The following ACSL1 variants were observed in gnomAD, a reference collection of about 807,000 sequenced individuals.
ACSL1 encodes the protein acyl-CoA synthetase long chain family member 1.
Under a neutral mutation model 98.4 loss-of-function variants are expected in ACSL1, and 41 were observed. That is an observed-to-expected ratio of 0.42 (90% CI 0.32 to 0.54). The LOEUF (loss-of-function observed/expected upper bound fraction) is 0.54. Among genes scored for constraint, ACSL1 ranks in the 20% least tolerant of loss-of-function variants. ACSL1 has a pLI of 0.13. For synonymous variants in ACSL1, 316 were observed against 322.7 expected (o/e 0.98, Z 0.22); for missense variants, 734 against 883.1 (o/e 0.83, Z 2.14).
At chr4:184,762,029 A>G (rs548718716) in intron 17 of ACSL1, among the ~76,000 whole-genome samples, 1 of 152,028 alleles carries the variant, frequency 6.6e-6, no homozygotes. Flanking sequence ...TGGGAGGCTG[A>G]GGCAGGAGAA....
chr4:184,785,241 C>A (rs918128593), intron 3 of ACSL1, among the ~76,000 whole-genome samples: 10 of 152,294 alleles, frequency 6.6e-5, no homozygotes, highest in African/African-American at 1.4e-4. Context: ...AGCCGTTAAG[C>A]TGCAGGCTCA....
Position 184,762,397 on chromosome 4 carries a change from G to T in ACSL1, c.1638+10C>A, listed in dbSNP as rs369924535. The stretch of plus-strand genomic sequence containing the variant: ...TGAACTGTTTGTGACCTGAGGAGGC[G>T]GCAACTTACTGGTAACCATTTTCCA... On this transcript the variant is annotated intron_variant, in intron 17 of 20. Transcript: ENST00000281455. The T allele has an allele frequency of 3.1e-6, 5 of 1,605,498 alleles. No individual in the cohort carries two copies. Among genetic ancestry groups the T allele is most frequent in the Non-Finnish European group, 4.3e-6 (5 of 1,172,300 alleles).
intron 1 of ACSL1, chr4:184,821,010 A>T (rs1212826247): frequency 2.2e-6 from 1 of 456,232 alleles, no homozygotes; most frequent in Non-Finnish European, 4.4e-6. Flanking sequence ...TGGGGAACTT[A>T]ATCTTTGCAC....
At chr4:184,809,532 C>T (rs1424782763) in intron 1 of ACSL1, among the ~76,000 whole-genome samples, 1 of 152,196 alleles carries the variant, frequency 6.6e-6, no homozygotes, top group African/African-American at 2.4e-5. Context: ...GTGGCTCACA[C>T]CTGTAATCCC....
intron 4 of ACSL1, among the ~76,000 whole-genome samples, chr4:184,780,930 G>A (rs1360697242): frequency 6.6e-6 from 1 of 152,056 alleles, no homozygotes; most frequent in Non-Finnish European, 1.5e-5. Flanking sequence ...TCAAACTCAG[G>A]AGGAGGTTTT....
At chr4:184,813,975 T>C in intron 1 of ACSL1, 3 of 437,518 alleles carry the variant, frequency 6.9e-6, no homozygotes, top group Non-Finnish European at 1.4e-5. Flanking sequence ...CTTCCCGTGG[T>C]GACTATGGAA....
Position 184,765,912 on chromosome 4 carries a change from G to A in ACSL1, c.1338C>T (p.Leu446=). ...TCACCTGACAGCCCAGGGCTGCTCTGAGGAACGTCAGCACAGTGGCAGACA... is the reference window on the plus strand; with the variant it reads ...TCACCTGACAGCCCAGGGCTGCTCTAAGGAACGTCAGCACAGTGGCAGACA... ...APVSATVLTF[L]RAALGCQFYE... is the part of the protein sequence containing the mutation. The change falls in exon 14 of 21, where the codon CTC becomes CTT. Residue 446 remains leucine (L), a synonymous_variant. Transcript: ENST00000281455. 6.2e-7 allele frequency: 1 copy of A among 1,614,066 alleles called. No individual in the cohort carries two copies. Among genetic ancestry groups the A allele is most frequent in the Non-Finnish European group, 8.5e-7 (1 of 1,179,994 alleles).
chr4:184,768,925 C>T (rs1412579476), intron 11 of ACSL1, among the ~76,000 whole-genome samples: 8 of 152,008 alleles, frequency 5.3e-5, no homozygotes, highest in Non-Finnish European at 1.2e-4. Context: ...AAAAATTAGC[C>T]GGGCTTGGTG....
chr4:184,803,646 C>T lies in ACSL1; in HGVS notation c.-32-100G>A, dbSNP rs927834503. The T allele has an allele frequency of 2.0e-5, 15 of 735,744 alleles. No homozygotes were observed. The highest frequency in any genetic ancestry group is 3.9e-5 in the Admixed American group (1 of 25,936). 45.6% of individuals were successfully genotyped at this position (735,744 alleles called of 1,614,324 possible). On this transcript the variant is annotated intron_variant, in intron 1 of 20. Transcript: ENST00000281455. The surrounding 1 kb of genome is among the most constrained non-coding windows in gnomAD (Gnocchi z 4.8). ...CCAGCCATCTAATTGGGTAGCTGCTCGGCCAGTCCAGGCATTAAACCCACA... is the reference window on the plus strand; with the variant it reads ...CCAGCCATCTAATTGGGTAGCTGCTTGGCCAGTCCAGGCATTAAACCCACA...
At chr4:184,795,276 C>T (rs1272521298) in intron 2 of ACSL1, among the ~76,000 whole-genome samples, 2 of 152,202 alleles carry the variant, frequency 1.3e-5, no homozygotes, top group Non-Finnish European at 2.9e-5. Context: ...TTTCATTTGG[C>T]ACCAGTTGGT....
chr4:184,764,169 G>A (rs113830675), intron 15 of ACSL1, among the ~76,000 whole-genome samples: 20 of 152,220 alleles, frequency 1.3e-4, no homozygotes, highest in Non-Finnish European at 2.6e-4. Flanking sequence ...CAGTCAGGCC[G>A]GGGTTGAAAT....
Position 184,825,463 on chromosome 4 carries a change from C to T in ACSL1, c.-33+453G>A, listed in dbSNP as rs1014571744. Among the ~76,000 whole-genome samples the T allele has an allele frequency of 5.3e-5, 8 of 151,996 alleles. No individual in the cohort carries two copies. Among genetic ancestry groups the T allele is most frequent in the Admixed American group, 3.9e-4 (6 of 15,272 alleles). On this transcript the variant is annotated intron_variant, in intron 1 of 20. Coordinates refer to ENST00000281455, the MANE Select transcript of ACSL1 (RefSeq NM_001995.5). This position sits in a 1 kb window ranked among gnomAD's most constrained non-coding sequence, Gnocchi z 4.7. ...CGGGCGCGAGTGCAGTCTCGCCCCA[C>T]GCGCGGTCCGAACGCCCGCGAGCCC...
intron 1 of ACSL1, among the ~76,000 whole-genome samples, chr4:184,810,337 G>A (rs1031616992): frequency 2.0e-5 from 3 of 152,174 alleles, no homozygotes. Context: ...CAAATACAGG[G>A]GCTGAGAGCA....
At chr4:184,795,114 A>AT (rs5864900) in intron 2 of ACSL1, among the ~76,000 whole-genome samples, 15,378 of 152,274 alleles carry the variant, frequency 0.1, 949 homozygotes, top group Non-Finnish European at 0.14. Flanking sequence ...GCCCGTAGAA[A>AT]TTTACATGCC....
intron 4 of ACSL1, among the ~76,000 whole-genome samples, chr4:184,780,902 G>T (rs141770493): frequency 1.3e-5 from 2 of 152,072 alleles, no homozygotes; most frequent in Admixed American, 6.5e-5. Flanking sequence ...TCTTGAGAAC[G>T]TATTCTTAGG....
In ACSL1 at chr4:184,770,489, AC is replaced by A. The variant is rs1764324910; in HGVS notation, c.916-14del. The A allele has an allele frequency of 1.3e-6, 2 of 1,582,442 alleles. No individual in the cohort carries two copies. The highest frequency in any genetic ancestry group is 1.7e-6 in the Non-Finnish European group (2 of 1,160,286). ...GATTGACTGTATTCTGTAAGCAAAG[AC>A]ACCAGCAAGGCAGAAAAGCATTAAG... On this transcript the variant is annotated splice_polypyrimidine_tract_variant and intron_variant, in intron 10 of 20. Transcript: ENST00000281455.
At chr4:184,782,901 G>A (rs1317204698) in intron 4 of ACSL1, among the ~76,000 whole-genome samples, 1 of 152,218 alleles carries the variant, frequency 6.6e-6, no homozygotes. Flanking sequence ...CTCCGAGGCT[G>A]CAGAGAACGA....
intron 2 of ACSL1, among the ~76,000 whole-genome samples, chr4:184,801,093 C>A (rs1250166826): frequency 1.3e-5 from 2 of 151,920 alleles, no homozygotes; most frequent in East Asian, 3.9e-4. Flanking sequence ...TGGCCTCAAG[C>A]AATCCTCTCA....
rs1766065619 is a variant in ACSL1 at position 184,780,479 on chromosome 4, C to G, written c.376-46G>C. 4 of 1,467,872 alleles carry G rather than the reference C, an allele frequency of 2.7e-6. No individual in the cohort carries two copies. In the Admixed American group the frequency reaches 6.8e-5, roughly 25 times the overall value. 90.9% of individuals were successfully genotyped at this position (1,467,872 alleles called of 1,614,324 possible). On this transcript the variant is annotated intron_variant, in intron 4 of 20. Transcript: ENST00000281455. ...TCAGAAGCAGCATTGGGCCCCAACT[C>G]CAGAAACAAAGCTGACCAGACGGCA...
Sources: allele counts gnomAD v4.1 joint callset (sites outside exome capture counted in the v4.1 genomes callset), GRCh38; gene constraint gnomAD v4.1.1; non-coding constraint Gnocchi (gnomAD v3.1); transcripts MANE v1.5; gene names NCBI Gene and HGNC (gene_info 2026-07-23, HGNC 2026-07-21).